The following SUPT16H variants were observed in gnomAD, a reference collection of about 807,000 sequenced individuals.
SUPT16H encodes SPT16 homolog, facilitates chromatin remodeling subunit, also known as FACT complex subunit SPT16.
SUPT16H carries 24 observed loss-of-function variants against 136.2 expected under a neutral mutation model. The observed-to-expected ratio is 0.18, with a 90% CI of 0.13 to 0.25. SUPT16H has a LOEUF of 0.25. SUPT16H is among the 10% of genes least tolerant of loss of function. The probability of loss-of-function intolerance (pLI) is 1.00; values close to 1 mark genes in which losing one functional copy is unlikely to be tolerated. For synonymous variants in SUPT16H, 415 were observed against 428.2 expected (o/e 0.97, Z 0.38); for missense variants, 623 against 1,270.2 (o/e 0.49, Z 7.74).
At position 21,363,169 on chromosome 14, in the gene SUPT16H, A is replaced by C. The variant is rs746476987; in HGVS notation, c.1396-20T>G. On this transcript the variant is annotated intron_variant, in intron 12 of 25. Coordinates refer to ENST00000216297, the MANE Select transcript of SUPT16H (RefSeq NM_007192.4). ...TTCATTCTGGTGAATGGAAAATCCA[A>C]TTTATCACAACACGTGAGCCATATG... 3.7e-6 allele frequency: 6 copies of C among 1,613,880 alleles called. No individual in the cohort carries two copies. The East Asian group carries it at 1.3e-4, about 36-fold the overall frequency.
chr14:21,370,669 A>C (rs917419189), intron 3 of SUPT16H, among the ~76,000 whole-genome samples, 181 bp from the exon 4 acceptor site: 17 of 152,180 alleles, frequency 1.1e-4, no homozygotes, highest in Non-Finnish European at 2.2e-4. Context: ...GGTAGAGCAC[A>C]GTGGTGTGAT....
At position 21,367,951 on chromosome 14, in the gene SUPT16H, C is replaced by A. The variant is rs372539006; in HGVS notation, c.955+318G>T. On this transcript the variant is annotated intron_variant, in intron 7 of 25. Transcript: ENST00000216297. The stretch of plus-strand genomic sequence containing the variant: ...TATTGCCCAGGCTGGAGTGCAGTGG[C>A]GCAATCATAGCTCACTGCCGAGGTA... Among the ~76,000 whole-genome samples, 24 of 152,298 alleles carry A rather than the reference C, an allele frequency of 1.6e-4. 1 individual carries two copies. In the South Asian group the frequency reaches 5.0e-3, roughly 32 times the overall value.
At chr14:21,357,429 A>T in intron 21 of SUPT16H, 63 bp from the exon 22 acceptor site, 1 of 1,435,642 alleles carries the variant, frequency 7.0e-7, no homozygotes, top group Non-Finnish European at 9.2e-7. Flanking sequence ...AATATTTCAA[A>T]TAACTTTCAT....
chr14:21,370,289 TTC>T (rs1886758443), intron 4 of SUPT16H, 45 bp downstream of exon 4: 1 of 1,593,390 alleles, frequency 6.3e-7, no homozygotes, highest in Non-Finnish European at 8.5e-7. Context: ...CCCATCACAT[TTC>T]TGTCTTCTCA....
At chr14:21,356,042 G>A (rs1453948889) in intron 22 of SUPT16H, among the ~76,000 whole-genome samples, 3 of 152,324 alleles carry the variant, frequency 2.0e-5, no homozygotes, top group Middle Eastern at 6.8e-3. Flanking sequence ...TCTGTCTAGA[G>A]GCAATTCCTA....
At chr14:21,374,762 T>C (rs990434448) in intron 1 of SUPT16H, among the ~76,000 whole-genome samples, 3 of 152,320 alleles carry the variant, frequency 2.0e-5, no homozygotes, top group South Asian at 2.1e-4. Context: ...CTGGCTATTG[T>C]AAAAAATGTT....
chr14:21,369,398 A>G, intron 5 of SUPT16H, 43 bp from the exon 6 acceptor site: 3 of 1,612,024 alleles, frequency 1.9e-6, no homozygotes, highest in Non-Finnish European at 2.5e-6. Context: ...ACTAGAGGGT[A>G]GCAAAGCGGG....
Position 21,352,715 on chromosome 14 carries a change from A to T in SUPT16H, c.3102T>A (p.Gly1034=). 1 of 1,614,072 alleles carries T rather than the reference A, an allele frequency of 6.2e-7. No individual in the cohort carries two copies. The highest frequency in any genetic ancestry group is 2.2e-5 in the East Asian group (1 of 44,880). Residue 1034 remains glycine (G), a synonymous_variant, in exon 26 of 26, where the codon GGT becomes GGA. Transcript: ENST00000216297. ...TGGGGGGTGCAGAGCTGTGTCTGGA[A>T]CCACGGTTAGAGCCACGGCCCGAAC... ...VHSSGRGSNR[G]SRHSSAPPKK...
chr14:21,354,674 C>T (rs970443015), intron 22 of SUPT16H, 134 bp from the exon 23 acceptor site: 4 of 1,060,408 alleles, frequency 3.8e-6, no homozygotes, highest in Non-Finnish European at 5.2e-6. Context: ...TCACTGCAAC[C>T]TCTGCCTCCT....
At chr14:21,373,231 C>T (rs529250298) in intron 2 of SUPT16H, 107 bp downstream of exon 2, 19 of 909,342 alleles carry the variant, frequency 2.1e-5, no homozygotes, top group Middle Eastern at 3.3e-4. Context: ...CAGGCATGAG[C>T]CACCGCAGCC....
At chr14:21,372,721 T>C (rs1168799627) in intron 2 of SUPT16H, 3 of 437,908 alleles carry the variant, frequency 6.9e-6, no homozygotes, top group South Asian at 1.6e-5. Flanking sequence ...CTGAAGACTA[T>C]ACATAAGGAA....
chr14:21,372,178 CTGGAG>C (rs1886799114), intron 2 of SUPT16H, 134 bp from the exon 3 acceptor site: 2 of 998,680 alleles, frequency 2.0e-6, no homozygotes, highest in African/African-American at 3.3e-5. Context: ...GCTGGGGAGT[CTGGAG>C]TGGATACAAA....
At chr14:21,380,089 AC>A (rs1337639080) in intron 1 of SUPT16H, among the ~76,000 whole-genome samples, 1 of 152,062 alleles carries the variant, frequency 6.6e-6, no homozygotes, top group Non-Finnish European at 1.5e-5. Context: ...CTATGTCATT[AC>A]CCCCTAAAAA....
intron 1 of SUPT16H, among the ~76,000 whole-genome samples, chr14:21,378,035 C>G (rs537543932): frequency 7.2e-4 from 110 of 152,168 alleles, no homozygotes; most frequent in African/African-American, 2.4e-3. Context: ...TTCAACAGGC[C>G]TAAAGAGTAA....
chr14:21,367,847 TTC>T (rs1040306255), intron 7 of SUPT16H, among the ~76,000 whole-genome samples: 2 of 152,188 alleles, frequency 1.3e-5, no homozygotes, highest in South Asian at 2.1e-4. Context: ...GTAAATCTTA[TTC>T]TGTTTTTAAT....
At chr14:21,361,555 A>C (rs1238282685) in intron 15 of SUPT16H, among the ~76,000 whole-genome samples, 1 of 151,752 alleles carries the variant, frequency 6.6e-6, no homozygotes, top group African/African-American at 2.4e-5. Flanking sequence ...GGCCTCATGT[A>C]ATCTGCCTGC....
intron 18 of SUPT16H, among the ~76,000 whole-genome samples, chr14:21,360,024 A>AT (rs1460831330): frequency 8.6e-5 from 13 of 151,976 alleles, no homozygotes; most frequent in African/African-American, 2.9e-4. Flanking sequence ...GTGAGAGGTG[A>AT]TTTTTTCATC....
In SUPT16H at chr14:21,353,824, A is replaced by G. The variant is rs760718709; in HGVS notation, c.2799T>C (p.Asp933=). The G allele has an allele frequency of 1.9e-6, 3 of 1,613,370 alleles. No homozygotes were observed. The highest frequency in any genetic ancestry group is 2.5e-6 in the Non-Finnish European group (3 of 1,179,790). Residue 933 remains aspartate (D), a synonymous_variant, in exon 24 of 26, where the codon GAT becomes GAC. Transcript: ENST00000216297. ...SFLEPEGEGS[D]AEEGDSESEI... is the part of the protein sequence containing the mutation. Reference sequence around the variant, plus strand: ...CAGACTCTGAATCCCCTTCTTCAGCATCACTCCCCTGGTGAGTTAGAGCAT... The same window carrying G: ...CAGACTCTGAATCCCCTTCTTCAGCGTCACTCCCCTGGTGAGTTAGAGCAT...
At chr14:21,360,755 T>G (rs920205363) in intron 17 of SUPT16H, 91 bp downstream of exon 17, 1 of 1,528,892 alleles carries the variant, frequency 6.5e-7, no homozygotes, top group Non-Finnish European at 8.8e-7. Context: ...AACCGGCGGA[T>G]GGCTCTTTGT....
Sources: gnomAD v4.1 joint callset for allele counts (sites outside exome capture counted in the v4.1 genomes callset) on GRCh38, gnomAD v4.1.1 for gene constraint, MANE v1.5 for transcripts, NCBI Gene and HGNC (gene_info 2026-07-23, HGNC 2026-07-21) for gene names.